Variants in LYZL4 observed in about 807,000 individuals in gnomAD.
LYZL4 encodes lysozyme-like protein 4.
Under a neutral mutation model 17.6 loss-of-function variants are expected in LYZL4, and 13 were observed. The ratio of observed to expected loss-of-function variants is 0.74; its 90% CI spans 0.48 to 1.18. The LOEUF (loss-of-function observed/expected upper bound fraction) is 1.18, where lower values mean the gene tolerates loss of function less well. Among genes scored for constraint, LYZL4 ranks in the 50% most tolerant of loss-of-function variants. LYZL4 has a pLI of 0.00. For missense variants in LYZL4, 174 were observed against 188.2 expected, an observed-to-expected ratio of 0.92 and a Z score of 0.44; for synonymous variants, 64 against 67.7, an observed-to-expected ratio of 0.95 and a Z score of 0.27.
the LYZL4 span, among the ~76,000 whole-genome samples, chr3:42,383,759 A>C: frequency 2.0e-5 from 3 of 152,156 alleles, no homozygotes; most frequent in Non-Finnish European, 4.4e-5. Flanking sequence ...AAAAAACATG[A>C]AAATAGAAAT....
chr3:42,394,396 A>G (rs1698525064), downstream of LYZL4, among the ~76,000 whole-genome samples: 1 of 152,212 alleles, frequency 6.6e-6, no homozygotes, highest in African/African-American at 2.4e-5. Context: ...ACCAATCCCA[A>G]CTTCATCACT....
chr3:42,394,538 A>G (rs544307137), downstream of LYZL4, among the ~76,000 whole-genome samples: 1 of 152,198 alleles, frequency 6.6e-6, no homozygotes, highest in Non-Finnish European at 1.5e-5. Flanking sequence ...TCTGTGTAAT[A>G]TTTATATGGT....
the LYZL4 span, among the ~76,000 whole-genome samples, chr3:42,371,852 G>A: frequency 9.2e-5 from 14 of 152,182 alleles, no homozygotes; most frequent in Non-Finnish European, 1.8e-4. Context: ...AGTAGTAGAA[G>A]TTTCCATGGC....
intron 1 of LYZL4, among the ~76,000 whole-genome samples, chr3:42,408,304 A>T (rs911815878): frequency 6.6e-6 from 1 of 152,130 alleles, no homozygotes; most frequent in Non-Finnish European, 1.5e-5. Context: ...TATCAGGACG[A>T]ATCTATTAAG....
the LYZL4 span, among the ~76,000 whole-genome samples, chr3:42,376,490 C>T: frequency 0.8 from 121,965 of 152,260 alleles, 49,402 homozygotes; most frequent in African/African-American, 0.91. Flanking sequence ...CCAGACTGCT[C>T]AGAATTAGTC....
chr3:42,404,229 A>C, intron 3 of LYZL4, 105 bp from the exon 4 acceptor site: 1 of 613,104 alleles, frequency 1.6e-6, no homozygotes, highest in East Asian at 3.0e-5. Context: ...TCTTCCAGTG[A>C]ATTCCAAGAA....
At chr3:42,361,627 G>T in the LYZL4 span, among the ~76,000 whole-genome samples, 1 of 152,008 alleles carries the variant, frequency 6.6e-6, no homozygotes, top group Non-Finnish European at 1.5e-5. Context: ...CTATTTGTCA[G>T]CCTGAGTTGG....
the LYZL4 span, among the ~76,000 whole-genome samples, chr3:42,383,567 C>G: frequency 0.85 from 129,186 of 152,082 alleles, 55,103 homozygotes; most frequent in East Asian, 0.92. Context: ...GGGATCAACA[C>G]ACATCTTAGA....
chr3:42,408,207 A>G (rs746837189), intron 1 of LYZL4, among the ~76,000 whole-genome samples: 4 of 152,330 alleles, frequency 2.6e-5, no homozygotes, highest in Non-Finnish European at 5.9e-5. Context: ...CACTTGGAGA[A>G]CACTGCTAAT....
chr3:42,399,376 C>T (rs1334102228), intron 4 of LYZL4, among the ~76,000 whole-genome samples: 6 of 152,186 alleles, frequency 3.9e-5, no homozygotes, highest in African/African-American at 1.4e-4. Context: ...AAGCAAGATG[C>T]TCATGATAGA....
rs147770623 is a variant in LYZL4, at chr3:42,407,155, C to A, written c.97G>T (p.Asp33Tyr). 1.2e-6 allele frequency: 2 copies of A among 1,614,162 alleles called. No homozygotes were observed. The highest frequency in any genetic ancestry group is 2.7e-5 in the African/African-American group (2 of 75,040). The stretch of plus-strand genomic sequence containing the variant: ...CCCTCAAAATAATCCAGGCCTCCAT[C>A]GTGGAGTTTCTTAGCCACTGTGCAA... ...GRCTVAKKLH[D>Y]GGLDYFEGYS... The change falls in exon 2 of 5, where the codon GAT (aspartate) becomes TAT (tyrosine). Residue 33 changes from aspartate (D) to tyrosine (Y), a missense_variant. Transcript: ENST00000287748.
At chr3:42,388,193 T>C in the LYZL4 span, among the ~76,000 whole-genome samples, 2 of 152,146 alleles carry the variant, frequency 1.3e-5, no homozygotes, top group South Asian at 4.1e-4. Context: ...GAATGAAATG[T>C]GGGCAGTTAG....
At chr3:42,380,704 A>C in the LYZL4 span, among the ~76,000 whole-genome samples, 11 of 152,336 alleles carry the variant, frequency 7.2e-5, no homozygotes, top group African/African-American at 2.6e-4. Context: ...AAGAACAGAC[A>C]TCTACATTAC....
chr3:42,363,061 G>C, the LYZL4 span, among the ~76,000 whole-genome samples: 1 of 152,262 alleles, frequency 6.6e-6, no homozygotes, highest in East Asian at 1.9e-4. Context: ...AACAAGTCAA[G>C]TGAACTGTGA....
the LYZL4 span, among the ~76,000 whole-genome samples, chr3:42,388,003 G>A: frequency 2.6e-5 from 4 of 152,114 alleles, no homozygotes; most frequent in Non-Finnish European, 5.9e-5. Context: ...CCACAAGGTC[G>A]GTCATCACAG....
chr3:42,369,781 T>C, the LYZL4 span, among the ~76,000 whole-genome samples: 3 of 152,200 alleles, frequency 2.0e-5, no homozygotes, highest in African/African-American at 4.8e-5. Context: ...TGATCTGATC[T>C]CTTGGGACCC....
the LYZL4 span, among the ~76,000 whole-genome samples, chr3:42,372,161 A>T: frequency 6.6e-6 from 1 of 152,136 alleles, no homozygotes; most frequent in Non-Finnish European, 1.5e-5. Flanking sequence ...CAGGCAGGGG[A>T]GAGACCCAGA....
At chr3:42,405,338 G>A (rs1698730276) in intron 3 of LYZL4, among the ~76,000 whole-genome samples, 2 of 152,206 alleles carry the variant, frequency 1.3e-5, no homozygotes, top group Admixed American at 1.3e-4. Flanking sequence ...GTGAGCCGCC[G>A]CGCCTGGCCG....
chr3:42,407,105 C>T lies in LYZL4; in HGVS notation c.139+8G>A, dbSNP rs144244464. ...GAGAGGAGGGAGCACTAAGTGGGGC[C>T]TACTCACAGTTCTCAAGGCTATAGC... On this transcript the variant is annotated splice_region_variant and intron_variant, in intron 2 of 4. Coordinates refer to ENST00000287748, the MANE Select transcript of LYZL4 (RefSeq NM_144634.4). 107 of 1,614,118 alleles carry T rather than the reference C, an allele frequency of 6.6e-5. No individual in the cohort carries two copies. The African/African-American group carries it at 1.4e-3, about 21-fold the overall frequency.
Sources: gnomAD v4.1 joint callset for allele counts (sites outside exome capture counted in the v4.1 genomes callset) on GRCh38, gnomAD v4.1.1 for gene constraint, MANE v1.5 for transcripts, NCBI Gene and HGNC (gene_info 2026-07-23, HGNC 2026-07-21) for gene names.